LRP1B: variants seen among roughly 807,000 people sequenced by gnomAD.
LRP1B encodes LDL receptor related protein 1B.
LRP1B carries 217 observed loss-of-function variants against 556.6 expected under a neutral mutation model. That is an observed-to-expected ratio of 0.39 (90% CI 0.35 to 0.44). LRP1B has a LOEUF of 0.44. LRP1B is among the 20% of genes least tolerant of loss of function. The pLI, the probability that LRP1B is intolerant of heterozygous loss-of-function variation, is 1.00. For missense variants in LRP1B, 5,053 were observed against 5,620.8 expected (o/e 0.90, Z 3.23); for synonymous variants, 2,047 against 1,865.8 (o/e 1.10, Z -2.50).
At chr2:140,633,172 G>A (rs1353976608) in intron 41 of LRP1B, among the ~76,000 whole-genome samples, 1 of 151,742 alleles carries the variant, frequency 6.6e-6, no homozygotes, top group Non-Finnish European at 1.5e-5. Context: ...CCAATAAAAA[G>A]GAAACTGAAA....
At chr2:141,450,684 T>C (rs998645675) in intron 3 of LRP1B, among the ~76,000 whole-genome samples, 13 of 152,010 alleles carry the variant, frequency 8.6e-5, no homozygotes, top group Non-Finnish European at 1.6e-4. Context: ...GGCCAATACT[T>C]TTAAATGTAT....
chr2:140,296,387 T>A (rs532876573), intron 84 of LRP1B, among the ~76,000 whole-genome samples: 13 of 152,288 alleles, frequency 8.5e-5, no homozygotes, highest in African/African-American at 2.4e-4. Flanking sequence ...GTATTTCAGA[T>A]AAGGGATATC....
At chr2:141,109,717 A>G (rs1054783257) in intron 7 of LRP1B, among the ~76,000 whole-genome samples, 30 of 152,156 alleles carry the variant, frequency 2.0e-4, no homozygotes, top group Non-Finnish European at 3.5e-4. Flanking sequence ...TCAGAAAAAA[A>G]GGAAAGTGAA....
chr2:141,823,685 A>G (rs970207975), intron 1 of LRP1B, among the ~76,000 whole-genome samples: 4 of 152,136 alleles, frequency 2.6e-5, no homozygotes, highest in African/African-American at 9.7e-5. Context: ...TGTTGTTATT[A>G]TTTTGAGACA....
chr2:141,306,988 T>G (rs1686615544), intron 3 of LRP1B, among the ~76,000 whole-genome samples: 1 of 152,164 alleles, frequency 6.6e-6, no homozygotes, highest in East Asian at 1.9e-4. Context: ...ATTTATATTT[T>G]TATAAATTTG....
intron 1 of LRP1B, among the ~76,000 whole-genome samples, chr2:142,125,851 A>G (rs1451015637): frequency 1.3e-5 from 2 of 151,898 alleles, no homozygotes; most frequent in Admixed American, 1.3e-4. Context: ...GCCAAAACCA[A>G]AAGAAAAACC....
intron 6 of LRP1B, among the ~76,000 whole-genome samples, chr2:141,215,866 G>A (rs1682783034): frequency 6.6e-6 from 1 of 152,204 alleles, no homozygotes; most frequent in South Asian, 2.1e-4. Flanking sequence ...TAAACAGGAA[G>A]CAGAGTATAA....
At chr2:140,658,787 G>A (rs1471264823) in intron 41 of LRP1B, among the ~76,000 whole-genome samples, 1 of 152,050 alleles carries the variant, frequency 6.6e-6, no homozygotes, top group Non-Finnish European at 1.5e-5. Context: ...ACTGGAACAT[G>A]TGAGATAATA....
chr2:141,831,015 ACTTTT>A (rs1697096529), intron 1 of LRP1B, among the ~76,000 whole-genome samples: 1 of 151,778 alleles, frequency 6.6e-6, no homozygotes, highest in Admixed American at 6.6e-5. Context: ...AAAGTTTGAC[ACTTTT>A]CTTATGAAAT....
chr2:140,347,303 A>T (rs1390077484), intron 77 of LRP1B, among the ~76,000 whole-genome samples: 1 of 151,880 alleles, frequency 6.6e-6, no homozygotes, highest in Admixed American at 6.6e-5. Flanking sequence ...ACGAAAAAAA[A>T]ATCCATTCCT....
intron 6 of LRP1B, among the ~76,000 whole-genome samples, chr2:141,227,274 C>A (rs1242530627): frequency 6.6e-6 from 1 of 152,112 alleles, no homozygotes; most frequent in Non-Finnish European, 1.5e-5. Context: ...GAAAATAATT[C>A]TACTGCGCAA....
intron 49 of LRP1B, among the ~76,000 whole-genome samples, chr2:140,524,316 A>G (rs1248154062): frequency 2.0e-5 from 3 of 151,860 alleles, no homozygotes; most frequent in Non-Finnish European, 4.4e-5. Flanking sequence ...TAAAAAGTCA[A>G]AAAGTAAGAT....
intron 1 of LRP1B, among the ~76,000 whole-genome samples, chr2:142,107,205 G>T (rs896413550): frequency 2.6e-5 from 4 of 152,106 alleles, no homozygotes; most frequent in African/African-American, 9.7e-5. Flanking sequence ...AAAGGTTGAT[G>T]CTATGTTTTA....
intron 7 of LRP1B, among the ~76,000 whole-genome samples, chr2:141,089,514 T>A (rs1240865547): frequency 6.6e-6 from 1 of 152,034 alleles, no homozygotes; most frequent in Non-Finnish European, 1.5e-5. Flanking sequence ...TCCAGAAAAA[T>A]GAAAATTGTG....
chr2:140,514,536 G>T (rs956557388), intron 51 of LRP1B, 117 bp downstream of exon 51: 22 of 845,000 alleles, frequency 2.6e-5, no homozygotes, highest in Non-Finnish European at 3.8e-5. Flanking sequence ...TACCTAGAAA[G>T]GTACACATAA....
rs533307465 is a variant in LRP1B, at chr2:141,006,061, T to A, written c.2381-604A>T. Reference sequence around the variant, plus strand: ...GCACTAACGAGGTATACAACAGACATAAATTAAGCAGGCATGAGAGGAAAT... The same window carrying A: ...GCACTAACGAGGTATACAACAGACAAAAATTAAGCAGGCATGAGAGGAAAT... On this transcript the variant is annotated intron_variant, in intron 14 of 90. Coordinates refer to ENST00000389484, the MANE Select transcript of LRP1B (RefSeq NM_018557.3). Among the ~76,000 whole-genome samples, 4 of 152,070 alleles carry A rather than the reference T, an allele frequency of 2.6e-5. No individual in the cohort carries two copies. In the South Asian group the frequency reaches 8.3e-4, roughly 32 times the overall value.
At chr2:140,435,181 T>A (rs916548670) in intron 66 of LRP1B, among the ~76,000 whole-genome samples, 29 of 152,176 alleles carry the variant, frequency 1.9e-4, no homozygotes, top group African/African-American at 6.8e-4. Flanking sequence ...AGACAAATAT[T>A]TTTGTTCCAA....
intron 66 of LRP1B, among the ~76,000 whole-genome samples, chr2:140,405,618 T>C (rs1201690143): frequency 6.6e-6 from 1 of 152,194 alleles, no homozygotes; most frequent in Non-Finnish European, 1.5e-5. Context: ...CATAAATTCC[T>C]GTAAACATAC....
chr2:140,657,706 T>C (rs539654698), intron 41 of LRP1B, among the ~76,000 whole-genome samples: 1 of 150,706 alleles, frequency 6.6e-6, no homozygotes, highest in African/African-American at 2.4e-5. Flanking sequence ...GAATCATCAG[T>C]AAGCTAGAAA....
Sources: allele counts gnomAD v4.1 joint callset (sites outside exome capture counted in the v4.1 genomes callset), GRCh38; gene constraint gnomAD v4.1.1; transcripts MANE v1.5; gene names NCBI Gene and HGNC (gene_info 2026-07-23, HGNC 2026-07-21).